The following NAALADL2 variants were observed in gnomAD, a reference collection of about 807,000 sequenced individuals.
The protein encoded by NAALADL2 is inactive N-acetylated-alpha-linked acidic dipeptidase-like protein 2.
A neutral mutation model predicts 87.2 loss-of-function variants in NAALADL2; 76 were observed. The ratio of observed to expected loss-of-function variants is 0.87; its 90% CI spans 0.72 to 1.05. The LOEUF (loss-of-function observed/expected upper bound fraction) is 1.05. Ranked by LOEUF, NAALADL2 falls within the 50% of genes least tolerant of loss-of-function variation. The pLI is 0.00. For synonymous variants in NAALADL2, 354 were observed against 331.0 expected, an observed-to-expected ratio of 1.07 and a Z score of -0.75; for missense variants, 1,089 against 945.8, an observed-to-expected ratio of 1.15 and a Z score of -1.99.
rs1274395950 is a variant in NAALADL2 at position 175,809,953 on chromosome 3, C to T, written c.*6750C>T. 2.6e-5 allele frequency: 4 copies of T among 151,832 alleles called. No homozygotes were observed. The highest frequency in any genetic ancestry group is 2.6e-4 in the Admixed American group (4 of 15,206). The allele number at this position is 151,832 out of a possible 1,614,324, so 9.4% of individuals were successfully genotyped here. A position where few individuals can be genotyped will look rare whatever the true frequency, so the allele number is the denominator to read the frequency against. On this transcript the variant is annotated 3_prime_UTR_variant, in exon 14 of 14. Transcript: ENST00000454872. ...AGGAAAATTTTTCCAAATAAATTTG[C>T]TTTGATTAAAAACACATATCTCTCA...
chr3:175,399,100 T>C (rs753085528), intron 5 of NAALADL2, among the ~76,000 whole-genome samples: 1 of 152,038 alleles, frequency 6.6e-6, no homozygotes, highest in Non-Finnish European at 1.5e-5. Flanking sequence ...GTACTTTCTT[T>C]TACCTAAGTT....
At chr3:174,703,130 T>C (rs1729714583) in intron 2 of NAALADL2, among the ~76,000 whole-genome samples, 1 of 152,168 alleles carries the variant, frequency 6.6e-6, no homozygotes, top group African/African-American at 2.4e-5. Context: ...TTTTAATCTT[T>C]TAATTTAATG....
chr3:175,324,028 C>CA (rs372517580), intron 4 of NAALADL2, 147 bp from the exon 5 acceptor site: 28,450 of 423,018 alleles, frequency 0.067, 26 homozygotes, highest in Non-Finnish European at 0.076. Context: ...AAAAAACAAA[C>CA]AAAAAAAAAA....
chr3:175,330,891 G>C (rs1761313258), intron 5 of NAALADL2, among the ~76,000 whole-genome samples: 1 of 151,886 alleles, frequency 6.6e-6, no homozygotes, highest in Admixed American at 6.6e-5. Flanking sequence ...AGATAAAATA[G>C]ATAAACCACT....
chr3:175,601,660 G>A (rs1722993018), intron 10 of NAALADL2, among the ~76,000 whole-genome samples: 2 of 152,062 alleles, frequency 1.3e-5, no homozygotes, highest in African/African-American at 4.8e-5. Flanking sequence ...GGTAAAAATT[G>A]AAGTCAGTTG....
At chr3:174,494,325 T>C (rs1393428316) in intron 1 of NAALADL2, among the ~76,000 whole-genome samples, 3 of 152,152 alleles carry the variant, frequency 2.0e-5, no homozygotes, top group Admixed American at 2.0e-4. Context: ...ACATTGATTC[T>C]AATGTCATAT....
In NAALADL2 at chr3:175,044,868, C is replaced by A. The variant is rs116735013; in HGVS notation, c.44-51922C>A. Reference sequence around the variant, plus strand: ...ACATTACTCTCTTTATTATATTTTTCTGTTGGTGGAGTCTCTCCTTGATTA... The same window carrying A: ...ACATTACTCTCTTTATTATATTTTTATGTTGGTGGAGTCTCTCCTTGATTA... On this transcript the variant is annotated intron_variant, in intron 1 of 13. Coordinates refer to ENST00000454872, the MANE Select transcript of NAALADL2 (RefSeq NM_207015.3). 2.6e-3 allele frequency among the ~76,000 whole-genome samples: 394 copies of A among 151,380 alleles called. 1 individual carries two copies. The highest frequency in any genetic ancestry group is 8.8e-3 in the African/African-American group (363 of 41,352).
chr3:175,726,797 G>A (rs1005292695), intron 11 of NAALADL2, among the ~76,000 whole-genome samples: 2 of 152,130 alleles, frequency 1.3e-5, no homozygotes, highest in Admixed American at 6.5e-5. Flanking sequence ...TCAGAGTTTA[G>A]GCCGAGAAAC....
intron 13 of NAALADL2, among the ~76,000 whole-genome samples, chr3:175,802,606 A>G (rs558108314): frequency 5.9e-5 from 9 of 152,104 alleles, no homozygotes; most frequent in African/African-American, 2.2e-4. Context: ...TTGTCTTATA[A>G]AGTTTTCCAC....
chr3:175,296,217 A>C (rs1560308604), intron 4 of NAALADL2, among the ~76,000 whole-genome samples: 1 of 152,124 alleles, frequency 6.6e-6, no homozygotes, highest in Non-Finnish European at 1.5e-5. Flanking sequence ...AATGACTAGG[A>C]GGTGCTACAT....
chr3:175,485,697 G>A (rs1582087883), intron 9 of NAALADL2, among the ~76,000 whole-genome samples: 2 of 152,068 alleles, frequency 1.3e-5, no homozygotes, highest in South Asian at 2.1e-4. Flanking sequence ...TTCTAGCTAC[G>A]CTGACAGCCA....
intron 1 of NAALADL2, among the ~76,000 whole-genome samples, chr3:174,486,159 G>A (rs1157464200): frequency 1.3e-5 from 2 of 152,032 alleles, no homozygotes; most frequent in East Asian, 3.9e-4. Flanking sequence ...GGGCTACAGG[G>A]TACTGAAAGT....
At chr3:174,551,338 G>T (rs1712105919) in intron 2 of NAALADL2, 1 of 152,096 alleles carries the variant, frequency 6.6e-6, no homozygotes, top group South Asian at 2.1e-4. Flanking sequence ...CTACTCTATG[G>T]TTAGTGTATG....
At chr3:175,801,225 C>T (rs1171168855) in intron 13 of NAALADL2, among the ~76,000 whole-genome samples, 7 of 152,108 alleles carry the variant, frequency 4.6e-5, no homozygotes, top group African/African-American at 1.7e-4. Flanking sequence ...GTTCTCCAGG[C>T]TCTACATTAC....
chr3:175,242,082 G>C (rs2109620393), intron 3 of NAALADL2, among the ~76,000 whole-genome samples: 1 of 151,660 alleles, frequency 6.6e-6, no homozygotes, highest in East Asian at 1.9e-4. Flanking sequence ...GGCTGGTCTT[G>C]AACTCCTGAC....
At chr3:175,427,975 T>G (rs1717102120) in intron 5 of NAALADL2, among the ~76,000 whole-genome samples, 2 of 152,146 alleles carry the variant, frequency 1.3e-5, no homozygotes, top group Admixed American at 1.3e-4. Context: ...TACAGAACAT[T>G]TCTTTTTTAA....
chr3:175,121,454 C>T (rs1012155580), intron 2 of NAALADL2, among the ~76,000 whole-genome samples: 7 of 151,782 alleles, frequency 4.6e-5, no homozygotes, highest in Non-Finnish European at 8.8e-5. Flanking sequence ...ATTTTGGCGC[C>T]CTCCTCTGGA....
At chr3:174,732,710 A>G (rs1160192617) in intron 2 of NAALADL2, among the ~76,000 whole-genome samples, 2 of 152,170 alleles carry the variant, frequency 1.3e-5, no homozygotes, top group African/African-American at 4.8e-5. Context: ...GGGAATTTTT[A>G]TTAGTTATTG....
intron 2 of NAALADL2, among the ~76,000 whole-genome samples, chr3:174,687,755 T>TC (rs1728180527): frequency 6.6e-6 from 1 of 152,104 alleles, no homozygotes; most frequent in Non-Finnish European, 1.5e-5. Flanking sequence ...GTAATAATCC[T>TC]CATGTGTCAA....
Sources: allele counts gnomAD v4.1 joint callset (sites outside exome capture counted in the v4.1 genomes callset), GRCh38; gene constraint gnomAD v4.1.1; transcripts MANE v1.5; gene names NCBI Gene and HGNC (gene_info 2026-07-23, HGNC 2026-07-21).